Variants in ATR observed in about 807,000 individuals in gnomAD.
The protein encoded by ATR is ATR checkpoint kinase.
In ATR, 142 loss-of-function variants were observed where a neutral mutation model predicts 305.3. The observed-to-expected ratio is 0.47, with a 90% CI of 0.41 to 0.53. ATR has a LOEUF of 0.53. ATR is among the 20% of genes least tolerant of loss of function. ATR has a pLI of 0.00. For synonymous variants in ATR, 1,050 were observed against 1,068.1 expected (o/e 0.98, Z 0.33); for missense variants, 2,135 against 3,133.1 (o/e 0.68, Z 7.60).
At chr3:142,491,061 G>A (rs2031247910) in intron 35 of ATR, among the ~76,000 whole-genome samples, 1 of 151,904 alleles carries the variant, frequency 6.6e-6, no homozygotes, top group East Asian at 1.9e-4. Context: ...TTACAGAGTT[G>A]TGTAACCATC....
intron 36 of ATR, among the ~76,000 whole-genome samples, chr3:142,483,093 C>T (rs1024511126): frequency 5.3e-5 from 8 of 150,052 alleles, no homozygotes; most frequent in Non-Finnish European, 7.4e-5. Flanking sequence ...ACTGCCTTGA[C>T]GTCCCAGGTT....
rs930071819 is a variant in ATR, at chr3:142,516,753, C to T, written c.4383-1238G>A. 6.6e-5 allele frequency among the ~76,000 whole-genome samples: 10 copies of T among 152,186 alleles called. No homozygotes were observed. In the South Asian group the frequency reaches 1.0e-3, roughly 16 times the overall value. Reference sequence around the variant, plus strand: ...TATAAGGGCCACGGCTCTCCCATTCCGGATGCTCCTTGGGGTCCTTACTAC... The same window carrying T: ...TATAAGGGCCACGGCTCTCCCATTCTGGATGCTCCTTGGGGTCCTTACTAC... On this transcript the variant is annotated intron_variant, in intron 24 of 46. Transcript: ENST00000350721.
At chr3:142,540,383 T>A (rs111683393) in intron 18 of ATR, among the ~76,000 whole-genome samples, 2,724 of 152,232 alleles carry the variant, frequency 0.018, 29 homozygotes, top group South Asian at 0.041. Context: ...ACATCTCTGG[T>A]CATATACAAC....
chr3:142,561,334 G>C lies in ATR; in HGVS notation c.1258C>G (p.Leu420Val), dbSNP rs377186178. The C allele has an allele frequency of 2.1e-5, 34 of 1,613,964 alleles. No homozygotes were observed. In the African/African-American group the frequency reaches 4.1e-4, roughly 20 times the overall value. ...GATATTCCATCACTATTACTGCTGA[G>C]GTTTTCCTGTTGAGTTTGGCATTGA... ...EIQCQTQQEN[L>V]SSNSDGISPK... is the part of the protein sequence containing the mutation. Residue 420 changes from leucine (L) to valine (V), a missense_variant, in exon 5 of 47, where the codon CTC becomes GTC. Leu to Val is a conservative substitution (Grantham distance 32). Transcript: ENST00000350721.
At chr3:142,530,978 T>C (rs1262355923) in intron 21 of ATR, among the ~76,000 whole-genome samples, 1 of 152,132 alleles carries the variant, frequency 6.6e-6, no homozygotes, top group Non-Finnish European at 1.5e-5. Flanking sequence ...CATTTTCTTC[T>C]TTTTTTATAC....
rs570349821 is a variant in ATR, at chr3:142,453,886, G to T, written c.7656-653C>A. On this transcript the variant is annotated intron_variant, in intron 45 of 46. Coordinates refer to ENST00000350721, the MANE Select transcript of ATR (RefSeq NM_001184.4). ...GTCTCTACGGCCGTGACACTATCCA[G>T]TACACCATCATCCTTTCCTGGGTTA... is the stretch of plus-strand genomic sequence containing the variant. Among the ~76,000 whole-genome samples, 5 of 152,230 alleles carry T rather than the reference G, an allele frequency of 3.3e-5. No individual in the cohort carries two copies. In the South Asian group the frequency reaches 1.0e-3, roughly 32 times the overall value.
chr3:142,475,380 G>T (rs1485916529), intron 36 of ATR, among the ~76,000 whole-genome samples: 1 of 152,134 alleles, frequency 6.6e-6, no homozygotes, highest in African/African-American at 2.4e-5. Context: ...AGTTTGCTGA[G>T]AATGATGGTT....
At chr3:142,470,410 T>C (rs1553753023) in intron 36 of ATR, among the ~76,000 whole-genome samples, 2 of 152,160 alleles carry the variant, frequency 1.3e-5, no homozygotes, top group Admixed American at 6.6e-5. Context: ...ACTTACAGTA[T>C]ACAGAATTTG....
At chr3:142,478,907 T>G (rs372393365) in intron 36 of ATR, among the ~76,000 whole-genome samples, 2,901 of 152,050 alleles carry the variant, frequency 0.019, 35 homozygotes, top group South Asian at 0.041. Flanking sequence ...GACTAGGATT[T>G]CAACCCCTGC....
chr3:142,454,996 C>T (rs1219660862), intron 45 of ATR, among the ~76,000 whole-genome samples: 3 of 152,056 alleles, frequency 2.0e-5, no homozygotes, highest in Non-Finnish European at 4.4e-5. Flanking sequence ...CTGCAGGTGA[C>T]ATGTTATTGT....
intron 45 of ATR, among the ~76,000 whole-genome samples, chr3:142,453,521 C>G (rs1490080718): frequency 2.0e-5 from 3 of 152,080 alleles, no homozygotes; most frequent in African/African-American, 7.2e-5. Flanking sequence ...TGGTAAATGA[C>G]TATATTTTGA....
intron 34 of ATR, among the ~76,000 whole-genome samples, chr3:142,494,555 T>C (rs960485759): frequency 6.6e-6 from 1 of 152,068 alleles, no homozygotes; most frequent in Admixed American, 6.5e-5. Flanking sequence ...CGAAGAAAAT[T>C]TGAATTAGGT....
At chr3:142,528,739 A>C (rs1406688080) in intron 21 of ATR, among the ~76,000 whole-genome samples, 1 of 150,202 alleles carries the variant, frequency 6.7e-6, no homozygotes, top group African/African-American at 2.4e-5. Context: ...ACAATGGATT[A>C]TAATTATAAT....
At chr3:142,555,796 G>C (rs921799603) in intron 10 of ATR, 81 bp downstream of exon 10, 1 of 1,467,540 alleles carries the variant, frequency 6.8e-7, no homozygotes, top group Non-Finnish European at 9.2e-7. Flanking sequence ...ATTTTTCAAG[G>C]CTTCAGTCTA....
chr3:142,508,733 C>A (rs758002744), intron 27 of ATR, among the ~76,000 whole-genome samples: 69 of 151,958 alleles, frequency 4.5e-4, no homozygotes, highest in Non-Finnish European at 8.2e-4. Flanking sequence ...ACCATCCCGG[C>A]TAACACGGTG....
At chr3:142,508,366 T>G (rs1234401539) in intron 27 of ATR, among the ~76,000 whole-genome samples, 2 of 152,186 alleles carry the variant, frequency 1.3e-5, no homozygotes, top group Admixed American at 6.5e-5. Context: ...AGGAAAATGT[T>G]AGTACCTGTC....
intron 42 of ATR, among the ~76,000 whole-genome samples, chr3:142,461,231 C>T (rs2071018912): frequency 6.6e-6 from 1 of 152,008 alleles, no homozygotes; most frequent in South Asian, 2.1e-4. Context: ...TCATCTTTTG[C>T]CTATTAATTT....
At chr3:142,485,025 G>T in intron 36 of ATR, 115 bp downstream of exon 36, 1 of 1,458,794 alleles carries the variant, frequency 6.9e-7, no homozygotes, top group Non-Finnish European at 9.5e-7. Context: ...GTGATACACT[G>T]AATCAGTCAT....
At chr3:142,451,890 G>A in intron 46 of ATR, 1 of 1,312,830 alleles carries the variant, frequency 7.6e-7, no homozygotes, top group Non-Finnish European at 1.0e-6. Flanking sequence ...ACAGGTTCAA[G>A]AACTGGTCAG....
Sources: gnomAD v4.1 joint callset for allele counts (sites outside exome capture counted in the v4.1 genomes callset) on GRCh38, gnomAD v4.1.1 for gene constraint, MANE v1.5 for transcripts, NCBI Gene and HGNC (gene_info 2026-07-23, HGNC 2026-07-21) for gene names.